The following TNFSF4 variants were observed in gnomAD, a reference collection of about 807,000 sequenced individuals.
TNFSF4 encodes TNF superfamily member 4, also known as tumor necrosis factor ligand superfamily member 4.
Under a neutral mutation model 7.3 loss-of-function variants are expected in TNFSF4, and 4 were observed. The ratio of observed to expected loss-of-function variants is 0.55; its 90% CI spans 0.27 to 1.25. The LOEUF (loss-of-function observed/expected upper bound fraction) is 1.25, where lower values mean the gene tolerates loss of function less well. Ranked by LOEUF, TNFSF4 falls within the 50% of genes most tolerant of loss-of-function variation. The pLI is 0.12. For synonymous variants in TNFSF4, 76 were observed against 83.7 expected, an observed-to-expected ratio of 0.91 and a Z score of 0.50; for missense variants, 181 against 208.8, an observed-to-expected ratio of 0.87 and a Z score of 0.82.
At chr1:173,178,800 C>G (rs1648998093), downstream of TNFSF4, among the ~76,000 whole-genome samples, 1 of 152,088 alleles carries the variant, frequency 6.6e-6, no homozygotes, top group African/African-American at 2.4e-5. Context: ...TTTGCAGACA[C>G]CATTAAGTTA....
At chr1:173,422,440 G>A in the TNFSF4 span, among the ~76,000 whole-genome samples, 1 of 151,954 alleles carries the variant, frequency 6.6e-6, no homozygotes, top group Non-Finnish European at 1.5e-5. Flanking sequence ...GGAGAGCCCA[G>A]TGAGAGAGGC....
At chr1:173,210,973 A>C (rs1650356356), upstream of TNFSF4, among the ~76,000 whole-genome samples, 1 of 152,222 alleles carries the variant, frequency 6.6e-6, no homozygotes, top group Non-Finnish European at 1.5e-5. Context: ...ATTTAAATGC[A>C]GGCTCTTTTT....
At chr1:173,208,265 C>T (rs1337230372), upstream of TNFSF4, among the ~76,000 whole-genome samples, 1 of 152,134 alleles carries the variant, frequency 6.6e-6, no homozygotes, top group Admixed American at 6.6e-5. Flanking sequence ...TGGCACTGTA[C>T]TGGACAACAT....
At chr1:173,289,658 G>T in the TNFSF4 span, among the ~76,000 whole-genome samples, 1 of 152,046 alleles carries the variant, frequency 6.6e-6, no homozygotes, top group Admixed American at 6.6e-5. Flanking sequence ...GTGTGTAAAT[G>T]AACACATGAA....
chr1:173,172,998 C>A, the TNFSF4 span, among the ~76,000 whole-genome samples: 1 of 152,094 alleles, frequency 6.6e-6, no homozygotes, highest in Admixed American at 6.5e-5. Context: ...GCAAGAAGTG[C>A]AGAGTGAAGG....
At chr1:173,218,568 G>A in the TNFSF4 span, among the ~76,000 whole-genome samples, 3 of 149,568 alleles carry the variant, frequency 2.0e-5, no homozygotes, top group Non-Finnish European at 4.4e-5. Context: ...TTCCATCCCT[G>A]CCCCAGATAT....
the TNFSF4 span, among the ~76,000 whole-genome samples, chr1:173,336,676 C>T: frequency 5.3e-5 from 8 of 152,126 alleles, no homozygotes; most frequent in African/African-American, 1.7e-4. Flanking sequence ...ACATTGATGA[C>T]ATTATGCCAA....
chr1:173,429,951 T>C, the TNFSF4 span, among the ~76,000 whole-genome samples: 1 of 152,178 alleles, frequency 6.6e-6, no homozygotes, highest in South Asian at 2.1e-4. Context: ...AGCCCTATAA[T>C]TAGATTGCTA....
At chr1:173,216,721 T>C in the TNFSF4 span, among the ~76,000 whole-genome samples, 1 of 152,128 alleles carries the variant, frequency 6.6e-6, no homozygotes, top group Admixed American at 6.6e-5. Context: ...TCAGAAGTCT[T>C]TGGGGTATGT....
the TNFSF4 span, among the ~76,000 whole-genome samples, chr1:173,398,409 C>CTTTTTTTTTTTTTTTTTTT: frequency 1.7e-4 from 17 of 101,574 alleles, no homozygotes; most frequent in African/African-American, 1.5e-4. Context: ...TATTTCTTTT[C>CTTTTTTTTTTTTTTTTTTT]TTTTTTTTTT....
At chr1:173,243,140 C>A in the TNFSF4 span, among the ~76,000 whole-genome samples, 1 of 151,952 alleles carries the variant, frequency 6.6e-6, no homozygotes. Context: ...AGACCTCTCA[C>A]AAGATGGTAG....
chr1:173,404,511 A>G, the TNFSF4 span, among the ~76,000 whole-genome samples: 1 of 152,170 alleles, frequency 6.6e-6, no homozygotes, highest in Non-Finnish European at 1.5e-5. Flanking sequence ...ACATCCCTAT[A>G]AGGAACTGTA....
the TNFSF4 span, among the ~76,000 whole-genome samples, chr1:173,411,583 TG>T: frequency 6.6e-6 from 1 of 151,390 alleles, no homozygotes; most frequent in East Asian, 2.0e-4. Context: ...GCAGATCACT[TG>T]AGGCCAGGAG....
chr1:173,412,130 A>AG, the TNFSF4 span, among the ~76,000 whole-genome samples: 2 of 151,702 alleles, frequency 1.3e-5, no homozygotes, highest in Non-Finnish European at 2.9e-5. Flanking sequence ...AAAAAAAAAA[A>AG]AAAAGGAAAT....
the TNFSF4 span, among the ~76,000 whole-genome samples, chr1:173,265,005 C>T: frequency 6.6e-6 from 1 of 152,166 alleles, no homozygotes; most frequent in Admixed American, 6.5e-5. Context: ...GCATGCTTTG[C>T]TTTTGATGGA....
At chr1:173,269,264 G>C in the TNFSF4 span, among the ~76,000 whole-genome samples, 1 of 152,114 alleles carries the variant, frequency 6.6e-6, no homozygotes, top group South Asian at 2.1e-4. Context: ...AAGACCCCTA[G>C]TGGATACCTG....
At chr1:173,444,360 T>A in the TNFSF4 span, among the ~76,000 whole-genome samples, 1 of 152,078 alleles carries the variant, frequency 6.6e-6, no homozygotes, top group Non-Finnish European at 1.5e-5. Flanking sequence ...ATGAGTGCTT[T>A]TTTTTCTTAT....
At chr1:173,290,825 C>A in the TNFSF4 span, among the ~76,000 whole-genome samples, 1 of 152,056 alleles carries the variant, frequency 6.6e-6, no homozygotes, top group East Asian at 1.9e-4. Flanking sequence ...CAACCACATG[C>A]CTGGCCACAA....
At chr1:173,245,995 C>T in the TNFSF4 span, among the ~76,000 whole-genome samples, 2 of 152,116 alleles carry the variant, frequency 1.3e-5, no homozygotes, top group Non-Finnish European at 2.9e-5. Flanking sequence ...CACCAATGGA[C>T]ATTTAGGTTG....
Sources: gnomAD v4.1 joint callset for allele counts (sites outside exome capture counted in the v4.1 genomes callset) on GRCh38, gnomAD v4.1.1 for gene constraint, MANE v1.5 for transcripts, NCBI Gene and HGNC (gene_info 2026-07-23, HGNC 2026-07-21) for gene names.